Variants in PLCB1 observed in about 807,000 individuals in gnomAD.
The protein encoded by PLCB1 is 1-phosphatidylinositol 4,5-bisphosphate phosphodiesterase beta-1.
In PLCB1, 46 loss-of-function variants were observed where a neutral mutation model predicts 161.8. The observed-to-expected ratio is 0.28, with a 90% CI of 0.22 to 0.36. PLCB1 has a LOEUF of 0.36. Ranked by LOEUF, PLCB1 falls within the 10% of genes least tolerant of loss-of-function variation. The pLI is 1.00. For missense variants in PLCB1, 1,016 were observed against 1,472.5 expected (o/e 0.69, Z 5.07); for synonymous variants, 517 against 503.7 (o/e 1.03, Z -0.35).
chr20:8,693,220 A>G (rs1990518095), intron 10 of PLCB1, among the ~76,000 whole-genome samples: 1 of 152,216 alleles, frequency 6.6e-6, no homozygotes. Context: ...GAATATGTAC[A>G]AACACATAAT....
At chr20:8,216,647 A>G (rs888379056) in intron 2 of PLCB1, among the ~76,000 whole-genome samples, 2 of 152,088 alleles carry the variant, frequency 1.3e-5, no homozygotes, top group African/African-American at 4.8e-5. Context: ...TGGGAAGTAG[A>G]AGATCCTTCC....
intron 3 of PLCB1, among the ~76,000 whole-genome samples, chr20:8,462,898 A>G (rs1981644304): frequency 6.7e-6 from 1 of 149,366 alleles, no homozygotes; most frequent in African/African-American, 2.5e-5. Context: ...GCCAACAACA[A>G]GTAGGGAGAA....
chr20:8,795,751 G>A (rs995945383), intron 31 of PLCB1, among the ~76,000 whole-genome samples: 12 of 151,830 alleles, frequency 7.9e-5, no homozygotes, highest in African/African-American at 9.7e-5. Context: ...GGTGGGCGCT[G>A]GTAGTCCCGG....
At chr20:8,384,674 C>T (rs936576924) in intron 3 of PLCB1, among the ~76,000 whole-genome samples, 3 of 152,062 alleles carry the variant, frequency 2.0e-5, no homozygotes, top group Non-Finnish European at 4.4e-5. Context: ...TAGTTTTGAT[C>T]TTTGAGGCTG....
chr20:8,400,941 T>C (rs186478138), intron 3 of PLCB1, among the ~76,000 whole-genome samples: 3 of 152,330 alleles, frequency 2.0e-5, no homozygotes, highest in Admixed American at 2.0e-4. Context: ...CATTTTTAAT[T>C]ATGAAATGCA....
chr20:8,375,596 A>G (rs867516654), intron 3 of PLCB1, among the ~76,000 whole-genome samples: 2 of 152,178 alleles, frequency 1.3e-5, no homozygotes, highest in Non-Finnish European at 2.9e-5. Flanking sequence ...TTTAAAAAGG[A>G]TGCTGAACAA....
chr20:8,759,807 A>C (rs2123570147), intron 24 of PLCB1, among the ~76,000 whole-genome samples: 1 of 152,176 alleles, frequency 6.6e-6, no homozygotes, highest in East Asian at 1.9e-4. Context: ...TTTAGCCAGA[A>C]GATGGCGATA....
intron 31 of PLCB1, chr20:8,802,006 A>ACT (rs760636156): frequency 9.2e-7 from 1 of 1,089,728 alleles, no homozygotes; most frequent in Admixed American, 1.7e-5. Flanking sequence ...ATGACTTAGA[A>ACT]ATCAATTTCA....
Position 8,849,034 on chromosome 20 carries a change from TG to T in PLCB1, c.3424-32585del, listed in dbSNP as rs528121235. Among the ~76,000 whole-genome samples the T allele has an allele frequency of 4.6e-5, 7 of 152,314 alleles. No homozygotes were observed. In the East Asian group the frequency reaches 1.4e-3, roughly 29 times the overall value. On this transcript the variant is annotated intron_variant, in intron 31 of 31. Transcript: ENST00000338037. ...CTTAGAATCTGTAAACAGTTTGTCC[TG>T]GGAGAGAATGGCTGCAGGCTTTCAG...
intron 3 of PLCB1, among the ~76,000 whole-genome samples, chr20:8,502,355 A>G (rs1231210641): frequency 2.0e-5 from 3 of 152,148 alleles, no homozygotes; most frequent in Non-Finnish European, 4.4e-5. Context: ...TAGCCATATA[A>G]TTTTCTGAAA....
At position 8,644,061 on chromosome 20, in the gene PLCB1, T is replaced by C. The variant is rs1989054705; in HGVS notation, c.385-2041T>C. On this transcript the variant is annotated intron_variant, in intron 4 of 31. Transcript: ENST00000338037. ...ATCTGCCAGCCTCGGCATCCTGAGGTGCCGGGATTGCAGACGGAGTCTGGT... is the reference window on the plus strand; with the variant it reads ...ATCTGCCAGCCTCGGCATCCTGAGGCGCCGGGATTGCAGACGGAGTCTGGT... Among the ~76,000 whole-genome samples the C allele has an allele frequency of 2.0e-5, 3 of 152,304 alleles. 1 individual carries two copies. In the South Asian group the frequency reaches 6.2e-4, roughly 32 times the overall value.
chr20:8,220,394 A>T (rs1979340763), intron 2 of PLCB1, among the ~76,000 whole-genome samples: 1 of 152,214 alleles, frequency 6.6e-6, no homozygotes, highest in Non-Finnish European at 1.5e-5. Context: ...GCAAATTCAC[A>T]TCCACCCAGA....
chr20:8,861,752 A>G (rs1987265241), intron 31 of PLCB1, among the ~76,000 whole-genome samples: 1 of 145,574 alleles, frequency 6.9e-6, no homozygotes, highest in Non-Finnish European at 1.5e-5. Context: ...AAAAAAAGAG[A>G]TCAACTTGGG....
chr20:8,269,003 G>T (rs1224735071), intron 2 of PLCB1, among the ~76,000 whole-genome samples: 1 of 152,110 alleles, frequency 6.6e-6, no homozygotes, highest in East Asian at 1.9e-4. Context: ...CATCAACTTT[G>T]CTTCAGAGAA....
intron 3 of PLCB1, among the ~76,000 whole-genome samples, chr20:8,472,433 C>T (rs1982095330): frequency 6.6e-6 from 1 of 152,178 alleles, no homozygotes; most frequent in Non-Finnish European, 1.5e-5. Flanking sequence ...ATGGATAAGT[C>T]AAGCCCCAAT....
chr20:8,348,125 G>A (rs1025065683), intron 2 of PLCB1, among the ~76,000 whole-genome samples: 1 of 152,192 alleles, frequency 6.6e-6, no homozygotes. Context: ...GGTGTTTGTA[G>A]TCATGACTAC....
chr20:8,407,641 C>G (rs943987724), intron 3 of PLCB1, among the ~76,000 whole-genome samples: 1 of 152,154 alleles, frequency 6.6e-6, no homozygotes, highest in Non-Finnish European at 1.5e-5. Flanking sequence ...TCCCTTGGGT[C>G]CCTTCCACAA....
intron 2 of PLCB1, among the ~76,000 whole-genome samples, chr20:8,265,847 T>C (rs1981928005): frequency 2.0e-5 from 3 of 152,190 alleles, no homozygotes; most frequent in Admixed American, 2.0e-4. Context: ...TTATTATTTT[T>C]AACTTTTTTT....
intron 3 of PLCB1, among the ~76,000 whole-genome samples, chr20:8,501,636 A>G (rs1398434588): frequency 6.6e-6 from 1 of 152,098 alleles, no homozygotes; most frequent in Non-Finnish European, 1.5e-5. Flanking sequence ...ATGTCAGTCT[A>G]TGATTAATCC....
Sources: gnomAD v4.1 joint callset for allele counts (sites outside exome capture counted in the v4.1 genomes callset) on GRCh38, gnomAD v4.1.1 for gene constraint, MANE v1.5 for transcripts, NCBI Gene and HGNC (gene_info 2026-07-23, HGNC 2026-07-21) for gene names.